The following HHLA2 variants were observed in gnomAD, a reference collection of about 807,000 sequenced individuals.
HHLA2 encodes the protein HHLA2 member of B7 family.
In HHLA2, 48 loss-of-function variants were observed where a neutral mutation model predicts 45.9. The ratio of observed to expected loss-of-function variants is 1.05; its 90% CI spans 0.83 to 1.33. The LOEUF (loss-of-function observed/expected upper bound fraction) is 1.33. Among genes scored for constraint, HHLA2 ranks in the 40% most tolerant of loss-of-function variants. HHLA2 has a pLI of 0.00. For synonymous variants in HHLA2, 161 were observed against 173.9 expected, an observed-to-expected ratio of 0.93 and a Z score of 0.59; for missense variants, 462 against 494.3, an observed-to-expected ratio of 0.93 and a Z score of 0.62.
chr3:108,299,455 G>A (rs926428493), intron 1 of HHLA2, among the ~76,000 whole-genome samples: 3 of 151,692 alleles, frequency 2.0e-5, no homozygotes, highest in African/African-American at 7.3e-5. Flanking sequence ...TAGAAATCTT[G>A]TTAGTGTGGT....
intron 1 of HHLA2, among the ~76,000 whole-genome samples, chr3:108,298,031 C>T (rs1286432946): frequency 6.6e-6 from 1 of 152,182 alleles, no homozygotes; most frequent in Non-Finnish European, 1.5e-5. Context: ...GAATGTCTGT[C>T]TAACTGACTT....
intron 1 of HHLA2, among the ~76,000 whole-genome samples, chr3:108,296,949 T>A (rs895218541): frequency 1.3e-5 from 2 of 152,228 alleles, no homozygotes; most frequent in Non-Finnish European, 2.9e-5. Context: ...TATTCTTACT[T>A]GTAATTGTTC....
chr3:108,362,374 G>A, exon 8 of HHLA2: 1 of 1,612,592 alleles, frequency 6.2e-7, no homozygotes, highest in Non-Finnish European at 8.5e-7. Context: ...CCATAACAAA[G>A]GCTTATGGAT....
chr3:108,356,033 T>TTC (rs1198985419), intron 6 of HHLA2, among the ~76,000 whole-genome samples: 1 of 145,030 alleles, frequency 6.9e-6, no homozygotes, highest in Non-Finnish European at 1.5e-5. Context: ...GTTTTCCTTT[T>TTC]TTTTTTTTTT....
intron 3 of HHLA2, among the ~76,000 whole-genome samples, chr3:108,340,589 A>C (rs1482472688): frequency 1.3e-5 from 2 of 152,206 alleles, no homozygotes; most frequent in East Asian, 3.8e-4. Context: ...AAATGCATCA[A>C]ACTCAAGTTC....
At chr3:108,312,043 G>A (rs2081027768) in intron 2 of HHLA2, among the ~76,000 whole-genome samples, 1 of 152,154 alleles carries the variant, frequency 6.6e-6, no homozygotes. Flanking sequence ...AAAACGGGAG[G>A]GCTGGAGGAG....
intron 2 of HHLA2, among the ~76,000 whole-genome samples, chr3:108,322,192 G>A (rs931732775): frequency 1.6e-4 from 25 of 152,168 alleles, no homozygotes; most frequent in African/African-American, 5.6e-4. Context: ...TAAGAGCTCG[G>A]ACTGTGGGCC....
chr3:108,359,010 C>T (rs1422974529), intron 7 of HHLA2, among the ~76,000 whole-genome samples: 2 of 152,140 alleles, frequency 1.3e-5, no homozygotes, highest in Non-Finnish European at 2.9e-5. Flanking sequence ...TGAGTAATAA[C>T]ACTCCCTTTG....
At chr3:108,377,102 A>G in intron 10 of HHLA2, 156 bp from the exon 10 acceptor site, 1 of 604,150 alleles carries the variant, frequency 1.7e-6, no homozygotes, top group Non-Finnish European at 3.0e-6. Flanking sequence ...GACTTATTTT[A>G]TAATGGTCTC....
chr3:108,357,786 G>C, intron 6 of HHLA2, 58 bp from the exon 6 acceptor site: 1 of 1,385,574 alleles, frequency 7.2e-7, no homozygotes, highest in Non-Finnish European at 9.9e-7. Flanking sequence ...GTGTAACTTA[G>C]AGAATTCTTT....
At chr3:108,344,737 C>CAAAATGCCTGCTGTCTGCCGTGTTA (rs2081632574) in intron 3 of HHLA2, among the ~76,000 whole-genome samples, 1 of 152,190 alleles carries the variant, frequency 6.6e-6, no homozygotes, top group African/African-American at 2.4e-5. Flanking sequence ...ATGTATTCGA[C>CAAAATGCCTGCTGTCTGCCGTGTTA]AAAATGCCTG....
chr3:108,340,908 TTTCC>T (rs1198848913), intron 3 of HHLA2, among the ~76,000 whole-genome samples: 60 of 59,448 alleles, frequency 1.0e-3, no homozygotes, highest in African/African-American at 3.3e-3. Context: ...TTTTTTTTTT[TTTCC>T]TTCCTTCCTT....
chr3:108,357,866 T>C, exon 7 of HHLA2: 1 of 1,608,764 alleles, frequency 6.2e-7, no homozygotes, highest in East Asian at 2.2e-5. Context: ...AAATGCAAAG[T>C]GAACACGTTT....
chr3:108,330,973 G>A (rs1436779979), intron 3 of HHLA2, among the ~76,000 whole-genome samples: 2 of 152,096 alleles, frequency 1.3e-5, no homozygotes, highest in African/African-American at 2.4e-5. Context: ...GAATTGTGGT[G>A]AGGTCCCCAA....
intron 2 of HHLA2, among the ~76,000 whole-genome samples, chr3:108,313,508 T>A (rs2107319236): frequency 6.6e-6 from 1 of 152,312 alleles, no homozygotes; most frequent in East Asian, 1.9e-4. Flanking sequence ...CTGGGTTGTG[T>A]GTGCATGTGT....
chr3:108,328,630 A>G (rs1386493611), intron 3 of HHLA2, among the ~76,000 whole-genome samples: 1 of 152,164 alleles, frequency 6.6e-6, no homozygotes, highest in African/African-American at 2.4e-5. Flanking sequence ...TAGACTTTGC[A>G]CACTATATTA....
At chr3:108,351,420 C>A (rs555008301) in intron 3 of HHLA2, among the ~76,000 whole-genome samples, 38 of 152,166 alleles carry the variant, frequency 2.5e-4, no homozygotes, top group Non-Finnish European at 2.1e-4. Flanking sequence ...ACCACTGTTG[C>A]AGATATACTA....
At chr3:108,306,082 G>C (rs190545192) in intron 1 of HHLA2, among the ~76,000 whole-genome samples, 2 of 152,270 alleles carry the variant, frequency 1.3e-5, no homozygotes, top group East Asian at 1.9e-4. Context: ...TTGGTGCAAG[G>C]GTTCCCCAGT....
intron 3 of HHLA2, 91 bp from the exon 3 acceptor site, chr3:108,351,697 A>G (rs75377690): frequency 0.062 from 45,772 of 737,304 alleles, 1,974 homozygotes; most frequent in Non-Finnish European, 0.079. Context: ...TAATGGCCAC[A>G]AAACAATTAT....
Sources: gnomAD v4.1 joint callset for allele counts (sites outside exome capture counted in the v4.1 genomes callset) on GRCh38, gnomAD v4.1.1 for gene constraint, MANE v1.5 for transcripts, NCBI Gene and HGNC (gene_info 2026-07-23, HGNC 2026-07-21) for gene names.